The following PCDH11X variants were observed in gnomAD, a reference collection of about 807,000 sequenced individuals.
The protein encoded by PCDH11X is protocadherin-11 X-linked.
Under a neutral mutation model 53.3 loss-of-function variants are expected in PCDH11X, and 18 were observed. That is an observed-to-expected ratio of 0.34 (90% CI 0.23 to 0.50). PCDH11X has a LOEUF of 0.50. Among genes scored for constraint, PCDH11X ranks in the 20% least tolerant of loss-of-function variants. The pLI, the probability that PCDH11X is intolerant of heterozygous loss-of-function variation, is 0.98. For synonymous variants in PCDH11X, 279 were observed against 393.3 expected (o/e 0.71, Z 3.44); for missense variants, 570 against 1,032.4 (o/e 0.55, Z 6.14).
intron 10 of PCDH11X, among the ~76,000 whole-genome samples, chrX:92,524,598 A>G (rs1253509340): frequency 9.5e-6 from 1 of 105,025 alleles, no homozygotes; most frequent in Non-Finnish European, 2.0e-5. Flanking sequence ...ATTTGTGTTT[A>G]GTTTCATTGG....
intron 7 of PCDH11X, among the ~76,000 whole-genome samples, chrX:92,201,853 A>C (rs928569674): frequency 1.8e-5 from 2 of 111,929 alleles, no homozygotes; most frequent in African/African-American, 6.5e-5. Flanking sequence ...ATTTTAGTAA[A>C]ACTTCACTGA....
chrX:92,574,218 A>C (rs1321895581), intron 10 of PCDH11X, among the ~76,000 whole-genome samples: 1 of 89,162 alleles, frequency 1.1e-5, no homozygotes, highest in African/African-American at 4.2e-5. Context: ...TCATATTGCA[A>C]ATGGAGAGTC....
intron 10 of PCDH11X, among the ~76,000 whole-genome samples, chrX:92,484,745 G>A (rs1728956719): frequency 9.0e-6 from 1 of 110,726 alleles, no homozygotes; most frequent in African/African-American, 3.3e-5. Flanking sequence ...GGGTAGGAGA[G>A]GGGTGAGAAA....
intron 6 of PCDH11X, chrX:91,879,843 C>A (rs1939811264): frequency 1.3e-6 from 1 of 747,465 alleles, no homozygotes; most frequent in Admixed American, 8.2e-5. Context: ...ATCAAATCTA[C>A]AGTCACACAA....
At chrX:92,420,083 C>T (rs1207986634) in intron 9 of PCDH11X, among the ~76,000 whole-genome samples, 1 of 111,052 alleles carries the variant, frequency 9.0e-6, no homozygotes, top group East Asian at 2.8e-4. Context: ...TTTCTTAGTG[C>T]TTGCGCTAGG....
At chrX:92,216,507 G>T in intron 7 of PCDH11X, among the ~76,000 whole-genome samples, 1 of 105,972 alleles carries the variant, frequency 9.4e-6, no homozygotes, top group Middle Eastern at 4.9e-3. Context: ...AGAGAAAAAA[G>T]AATAAAAAAA....
At chrX:91,988,383 A>G (rs2062260035) in intron 6 of PCDH11X, among the ~76,000 whole-genome samples, 1 of 112,291 alleles carries the variant, frequency 8.9e-6, no homozygotes, top group Non-Finnish European at 1.9e-5. Context: ...TCATGTTGAC[A>G]TATATTGTTA....
chrX:92,246,088 C>A (rs1442853749), intron 7 of PCDH11X, among the ~76,000 whole-genome samples: 1 of 111,193 alleles, frequency 9.0e-6, no homozygotes, highest in Non-Finnish European at 1.9e-5. Flanking sequence ...AATGCCTATA[C>A]TGTAGAAACA....
intron 6 of PCDH11X, among the ~76,000 whole-genome samples, chrX:92,057,329 C>T (rs1403678184): frequency 1.8e-5 from 2 of 110,544 alleles, no homozygotes; most frequent in Non-Finnish European, 3.8e-5. Flanking sequence ...TATATGGCCA[C>T]GAAGTGGCAC....
intron 9 of PCDH11X, among the ~76,000 whole-genome samples, chrX:92,395,430 G>A: frequency 9.0e-6 from 1 of 110,973 alleles, no homozygotes; most frequent in Admixed American, 9.6e-5. Context: ...ATTTGTTTTA[G>A]GCAATCATCT....
At chrX:92,157,441 A>C (rs979119825) in intron 6 of PCDH11X, among the ~76,000 whole-genome samples, 9 of 111,962 alleles carry the variant, frequency 8.0e-5, no homozygotes, top group African/African-American at 2.9e-4. Context: ...AAGGATATAG[A>C]TCCATTTAAT....
In PCDH11X at chrX:92,035,628, G is replaced by C. The variant is rs1436384945; in HGVS notation, c.3033+156355G>C. On this transcript the variant is annotated intron_variant, in intron 6 of 10. Coordinates refer to ENST00000682573, the MANE Select transcript of PCDH11X (RefSeq NM_032968.5). ...AAATGCCTTGAGGTAGTCTTCTTTAGGTTAAATCTGCTTGGTGTTCTATAA... is the reference window on the plus strand; with the variant it reads ...AAATGCCTTGAGGTAGTCTTCTTTACGTTAAATCTGCTTGGTGTTCTATAA... 5.3e-5 allele frequency among the ~76,000 whole-genome samples: 3 copies of C among 56,464 alleles called. No individual in the cohort carries two copies. In the South Asian group the frequency reaches 3.7e-3, roughly 69 times the overall value. The allele number at this position is 56,464 out of a possible 115,157, so 49.0% of individuals were successfully genotyped here. A position where few individuals can be genotyped will look rare whatever the true frequency, so the allele number is the denominator to read the frequency against.
At chrX:91,823,674 A>T (rs995733513) in intron 4 of PCDH11X, among the ~76,000 whole-genome samples, 2 of 111,311 alleles carry the variant, frequency 1.8e-5, no homozygotes, top group Admixed American at 1.9e-4. Flanking sequence ...GTCCATTTAC[A>T]TTTAAAGTTA....
intron 10 of PCDH11X, among the ~76,000 whole-genome samples, chrX:92,576,001 TATATATATATAC>T (rs1569506311): frequency 2.6e-5 from 1 of 38,335 alleles, no homozygotes; most frequent in African/African-American, 1.1e-4. Context: ...TATATATATA[TATATATATATAC>T]ACACACACAC....
At chrX:92,243,211 A>C (rs2067291548) in intron 7 of PCDH11X, among the ~76,000 whole-genome samples, 1 of 111,967 alleles carries the variant, frequency 8.9e-6, no homozygotes, top group Admixed American at 9.5e-5. Context: ...TAGACGTTTT[A>C]TAATTTTACA....
At chrX:92,581,895 G>GTGTTGC in intron 10 of PCDH11X, among the ~76,000 whole-genome samples, 1 of 103,199 alleles carries the variant, frequency 9.7e-6, no homozygotes, top group East Asian at 3.0e-4. Context: ...GAACACTGGA[G>GTGTTGC]TAAAGGTGAC....
At chrX:92,603,367 A>C (rs1246236428) in intron 10 of PCDH11X, among the ~76,000 whole-genome samples, 1 of 108,519 alleles carries the variant, frequency 9.2e-6, no homozygotes, top group East Asian at 2.9e-4. Context: ...AACAATTATG[A>C]GGAAAGTGGG....
chrX:92,551,888 TTC>T (rs1490470727), intron 10 of PCDH11X, among the ~76,000 whole-genome samples: 2 of 105,584 alleles, frequency 1.9e-5, no homozygotes, highest in African/African-American at 6.8e-5. Context: ...GGGTTCTCTA[TTC>T]TGTTCCATTG....
intron 6 of PCDH11X, among the ~76,000 whole-genome samples, chrX:92,026,100 A>G (rs1012582398): frequency 9.1e-6 from 1 of 109,729 alleles, no homozygotes; most frequent in African/African-American, 3.3e-5. Context: ...AATAGGTACT[A>G]AGCATAATTC....
Sources: gnomAD v4.1 joint callset for allele counts (sites outside exome capture counted in the v4.1 genomes callset) on GRCh38, gnomAD v4.1.1 for gene constraint, MANE v1.5 for transcripts, NCBI Gene and HGNC (gene_info 2026-07-23, HGNC 2026-07-21) for gene names.